The following WWOX variants were observed in gnomAD, a reference collection of about 807,000 sequenced individuals.
WWOX encodes WW domain-containing oxidoreductase.
WWOX carries 69 observed loss-of-function variants against 46.2 expected under a neutral mutation model. That is an observed-to-expected ratio of 1.49 (90% CI 1.23 to 1.82). The LOEUF (loss-of-function observed/expected upper bound fraction) is 1.82. WWOX is among the 40% of genes most tolerant of loss of function. The pLI is 0.00. For synonymous variants in WWOX, 359 were observed against 202.6 expected, an observed-to-expected ratio of 1.77 and a Z score of -6.56; for missense variants, 919 against 542.6, an observed-to-expected ratio of 1.69 and a Z score of -6.89.
intron 8 of WWOX, among the ~76,000 whole-genome samples, chr16:79,210,808 A>G (rs1452541101): frequency 6.6e-6 from 1 of 152,128 alleles, no homozygotes; most frequent in Non-Finnish European, 1.5e-5. Context: ...TCATCACTGC[A>G]CACGTCCCTA....
At chr16:78,921,650 G>A (rs2045382489) in intron 8 of WWOX, among the ~76,000 whole-genome samples, 1 of 152,168 alleles carries the variant, frequency 6.6e-6, no homozygotes, top group African/African-American at 2.4e-5. Flanking sequence ...AGGTCATGGA[G>A]GTAAGAGAGG....
rs1567489937 is a variant in WWOX, at chr16:79,019,180, A to AAAG, written c.1057-192426_1057-192425insGAA. Among the ~76,000 whole-genome samples, 15 of 32,132 alleles carry AAAG rather than the reference A, an allele frequency of 4.7e-4. 4 individuals carry two copies. Among genetic ancestry groups the AAAG allele is most frequent in the Admixed American group, 6.8e-4 (2 of 2,920 alleles). 21.1% of individuals were successfully genotyped at this position (32,132 alleles called of 152,430 possible). A position where few individuals can be genotyped will look rare whatever the true frequency, so the allele number is the denominator to read the frequency against. ...CTCAAAAAAAAAAAAAAAAAAAAAA[A>AAAG]AAAAAGAAAAAAAAAAGTTGGAATG... is the stretch of plus-strand genomic sequence containing the variant. On this transcript the variant is annotated intron_variant, in intron 8 of 8. Transcript: ENST00000566780.
intron 5 of WWOX, among the ~76,000 whole-genome samples, chr16:78,381,219 T>C (rs915968564): frequency 6.6e-6 from 1 of 152,228 alleles, no homozygotes; most frequent in African/African-American, 2.4e-5. Flanking sequence ...CACATATGGC[T>C]AATTTATAGT....
In WWOX at chr16:78,347,511, C is replaced by G. The variant is rs926595746; in HGVS notation, c.517-39349C>G. On this transcript the variant is annotated intron_variant, in intron 5 of 8. Coordinates refer to ENST00000566780, the MANE Select transcript of WWOX (RefSeq NM_016373.4). Reference sequence around the variant, plus strand: ...ATCATTGCTATCCCTCCTCGACACCCACACCTCTTGCATGTTCCTGAGCTT... The same window carrying G: ...ATCATTGCTATCCCTCCTCGACACCGACACCTCTTGCATGTTCCTGAGCTT... 9.3e-5 allele frequency among the ~76,000 whole-genome samples: 11 copies of G among 117,844 alleles called. 4 individuals carry two copies. Among genetic ancestry groups the G allele is most frequent in the Non-Finnish European group, 2.2e-4 (11 of 49,766 alleles). The allele number at this position is 117,844 out of a possible 152,430, so 77.3% of individuals were successfully genotyped here. A position where few individuals can be genotyped will look rare whatever the true frequency, so the allele number is the denominator to read the frequency against.
At chr16:78,261,754 GTCTA>G (rs1247408952) in intron 5 of WWOX, among the ~76,000 whole-genome samples, 8 of 114,204 alleles carry the variant, frequency 7.0e-5, no homozygotes, top group South Asian at 2.8e-4. Flanking sequence ...GTGTGTGTCT[GTCTA>G]TCTATCTATC....
Position 78,748,565 on chromosome 16 carries a change from G to C in WWOX, c.1056+315813G>C, listed in dbSNP as rs143687952. Among the ~76,000 whole-genome samples the C allele has an allele frequency of 6.5e-3, 985 of 152,256 alleles. 13 individuals carry two copies. Among genetic ancestry groups the C allele is most frequent in the African/African-American group, 0.022 (932 of 41,534 alleles). On this transcript the variant is annotated intron_variant, in intron 8 of 8. Coordinates refer to ENST00000566780, the MANE Select transcript of WWOX (RefSeq NM_016373.4). ...GCCTGCTTTACCATTGGAGACCTCA[G>C]CTCTGATTACAATACGTCCGTGATC...
chr16:79,197,074 G>A (rs1337541397), intron 8 of WWOX, among the ~76,000 whole-genome samples: 1 of 152,094 alleles, frequency 6.6e-6, no homozygotes, highest in Non-Finnish European at 1.5e-5. Context: ...AGTTACCTTG[G>A]GCCAGGGGAG....
At chr16:79,165,294 G>T (rs566574142) in intron 8 of WWOX, among the ~76,000 whole-genome samples, 2 of 152,128 alleles carry the variant, frequency 1.3e-5, no homozygotes, top group Non-Finnish European at 2.9e-5. Context: ...TCATGTGTGT[G>T]TGCACACATG....
chr16:78,439,873 A>G (rs1485202408), intron 8 of WWOX, among the ~76,000 whole-genome samples: 3 of 152,164 alleles, frequency 2.0e-5, no homozygotes, highest in Admixed American at 6.5e-5. Context: ...ATTGCATCCT[A>G]TTTGATAAGG....
At chr16:78,283,598 T>C (rs1348459368) in intron 5 of WWOX, among the ~76,000 whole-genome samples, 1 of 152,148 alleles carries the variant, frequency 6.6e-6, no homozygotes, top group Non-Finnish European at 1.5e-5. Context: ...TCACATAGGA[T>C]GAATGTGGCA....
intron 8 of WWOX, among the ~76,000 whole-genome samples, chr16:79,012,026 A>C (rs924019020): frequency 6.6e-6 from 1 of 152,082 alleles, no homozygotes; most frequent in Non-Finnish European, 1.5e-5. Flanking sequence ...TAGTTCAGGG[A>C]TCCCTCTGGC....
At chr16:78,869,802 G>A (rs1345081807) in intron 8 of WWOX, among the ~76,000 whole-genome samples, 1 of 152,226 alleles carries the variant, frequency 6.6e-6, no homozygotes, top group African/African-American at 2.4e-5. Flanking sequence ...AGCCAGCAGA[G>A]AGAAGACTCA....
At chr16:78,263,996 C>CTTTTTTTTTTTTTTTTTCTT in intron 5 of WWOX, among the ~76,000 whole-genome samples, 1 of 78,816 alleles carries the variant, frequency 1.3e-5, no homozygotes, top group Non-Finnish European at 2.2e-5. Flanking sequence ...GCTGTGAAAT[C>CTTTTTTTTTTTTTTTTTCTT]TTTTTTTTTT....
chr16:78,639,076 G>C (rs1020525240), intron 8 of WWOX, among the ~76,000 whole-genome samples: 13 of 152,134 alleles, frequency 8.5e-5, no homozygotes, highest in African/African-American at 2.7e-4. Flanking sequence ...TGCTAGAAAA[G>C]CTGGGCCTAA....
chr16:78,391,368 C>T (rs2082171696), intron 6 of WWOX, among the ~76,000 whole-genome samples: 1 of 152,210 alleles, frequency 6.6e-6, no homozygotes, highest in Admixed American at 6.5e-5. Context: ...CCATGATTAT[C>T]CCTACTTTGC....
intron 8 of WWOX, among the ~76,000 whole-genome samples, chr16:78,829,118 GGA>G (rs2051741950): frequency 1.3e-5 from 2 of 151,834 alleles, no homozygotes; most frequent in African/African-American, 4.8e-5. Flanking sequence ...ATGGATGGAT[GGA>G]TGGATGGATG....
chr16:78,841,868 G>A (rs182461849), intron 8 of WWOX, among the ~76,000 whole-genome samples: 3 of 152,134 alleles, frequency 2.0e-5, no homozygotes, highest in Admixed American at 1.3e-4. Flanking sequence ...CTTGGTAAGG[G>A]GTTATACAAT....
chr16:79,132,047 G>A (rs908752435), intron 8 of WWOX, among the ~76,000 whole-genome samples: 1 of 151,784 alleles, frequency 6.6e-6, no homozygotes. Context: ...TAACACATGG[G>A]AATTATGGGA....
At chr16:78,941,924 A>T (rs2045859611) in intron 8 of WWOX, among the ~76,000 whole-genome samples, 1 of 151,784 alleles carries the variant, frequency 6.6e-6, no homozygotes, top group Non-Finnish European at 1.5e-5. Flanking sequence ...CTTTGGTTTT[A>T]TTTTTTACTG....
Sources: gnomAD v4.1 joint callset for allele counts (sites outside exome capture counted in the v4.1 genomes callset) on GRCh38, gnomAD v4.1.1 for gene constraint, MANE v1.5 for transcripts, NCBI Gene and HGNC (gene_info 2026-07-23, HGNC 2026-07-21) for gene names.